UNC80: variants seen among roughly 807,000 people sequenced by gnomAD.
UNC80 encodes protein unc-80 homolog.
In UNC80, 164 loss-of-function variants were observed where a neutral mutation model predicts 384.6. The ratio of observed to expected loss-of-function variants is 0.43; its 90% CI spans 0.38 to 0.49. The LOEUF is 0.49. UNC80 is among the 20% of genes least tolerant of loss of function. The pLI is 0.00. For missense variants in UNC80, 3,330 were observed against 4,143.0 expected, an observed-to-expected ratio of 0.80 and a Z score of 5.39; for synonymous variants, 1,486 against 1,527.8, an observed-to-expected ratio of 0.97 and a Z score of 0.64.
At chr2:209,817,987 A>G in intron 11 of UNC80, 35 bp downstream of exon 11, 1 of 1,549,014 alleles carries the variant, frequency 6.5e-7, no homozygotes, top group Non-Finnish European at 8.7e-7. Flanking sequence ...GCAGGAGTTC[A>G]GAGTTCTTTT....
At chr2:209,850,021 C>T (rs149319012) in intron 22 of UNC80, among the ~76,000 whole-genome samples, 1 of 152,092 alleles carries the variant, frequency 6.6e-6, no homozygotes, top group Non-Finnish European at 1.5e-5. Flanking sequence ...ATAAAGTGGG[C>T]CATTATTATT....
At position 209,834,236 on chromosome 2, in the gene UNC80, GT is replaced by G. The variant is rs2081192585; in HGVS notation, c.2942+71del. ...TCAGTAGAATAAAATCTGTTGTACT[GT>G]TTGTGTGGTTCCTGTGCTGAAATGT... is the stretch of plus-strand genomic sequence containing the variant. On this transcript the variant is annotated intron_variant, in intron 17 of 64. Coordinates refer to ENST00000673920, the MANE Select transcript of UNC80 (RefSeq NM_001371986.1). 4 of 1,477,704 alleles carry G rather than the reference GT, an allele frequency of 2.7e-6. No homozygotes were observed. In the African/African-American group the frequency reaches 5.6e-5, roughly 21 times the overall value. 91.5% of individuals were successfully genotyped at this position (1,477,704 alleles called of 1,614,324 possible).
chr2:209,930,882 C>G, intron 37 of UNC80, 86 bp from the exon 38 acceptor site: 1 of 928,258 alleles, frequency 1.1e-6, no homozygotes, highest in South Asian at 1.7e-5. Flanking sequence ...AAATCCCTCA[C>G]CCAATCCCGA....
intron 6 of UNC80, among the ~76,000 whole-genome samples, chr2:209,790,599 T>G: frequency 6.6e-6 from 1 of 152,166 alleles, no homozygotes; most frequent in South Asian, 2.1e-4. Flanking sequence ...GCATCTAAAT[T>G]TGCATCATCA....
At chr2:209,876,043 G>A (rs541244870) in intron 23 of UNC80, among the ~76,000 whole-genome samples, 18 of 152,052 alleles carry the variant, frequency 1.2e-4, no homozygotes, top group Non-Finnish European at 2.2e-4. Context: ...CTCCCTCTCT[G>A]AGCTGAATTT....
At chr2:209,887,304 G>T (rs1422413377) in intron 25 of UNC80, among the ~76,000 whole-genome samples, 1 of 152,110 alleles carries the variant, frequency 6.6e-6, no homozygotes, top group African/African-American at 2.4e-5. Flanking sequence ...CTCCCAAAGT[G>T]CTGGGATTAC....
chr2:209,808,966 T>G (rs1187805550), intron 7 of UNC80: 1 of 317,116 alleles, frequency 3.2e-6, no homozygotes, highest in African/African-American at 2.2e-5. Flanking sequence ...CTGGGACGCC[T>G]TCCTGGCGCT....
chr2:209,943,238 T>G lies in UNC80; in HGVS notation c.6916-142T>G, dbSNP rs1032794232. ...GTTACTAAATTTATCTAGAGAAAGTTTATGCCATTTTACATTCCTCTCTAC... is the reference window on the plus strand; with the variant it reads ...GTTACTAAATTTATCTAGAGAAAGTGTATGCCATTTTACATTCCTCTCTAC... On this transcript the variant is annotated intron_variant, in intron 44 of 64. Coordinates refer to ENST00000673920, the MANE Select transcript of UNC80 (RefSeq NM_001371986.1). The G allele has an allele frequency of 4.8e-6, 5 of 1,050,846 alleles. No homozygotes were observed. In the African/African-American group the frequency reaches 6.4e-5, roughly 13 times the overall value. 65.1% of individuals were successfully genotyped at this position (1,050,846 alleles called of 1,614,324 possible).
intron 21 of UNC80, among the ~76,000 whole-genome samples, chr2:209,844,456 TTTC>T (rs768488451): frequency 0.029 from 687 of 23,758 alleles, 16 homozygotes; most frequent in Non-Finnish European, 0.037. Context: ...TTTTCTTTTC[TTTC>T]TTTCTTTCTT....
rs566730281 is a variant in UNC80 at position 209,914,090 on chromosome 2, A to G, written c.5029+150A>G. The G allele has an allele frequency of 4.3e-5, 41 of 959,452 alleles. No individual in the cohort carries two copies. The African/African-American group carries it at 6.0e-4, about 14-fold the overall frequency. The allele number at this position is 959,452 out of a possible 1,614,324, so 59.4% of individuals were successfully genotyped here. A position where few individuals can be genotyped will look rare whatever the true frequency, so the allele number is the denominator to read the frequency against. On this transcript the variant is annotated intron_variant, in intron 31 of 64. Coordinates refer to ENST00000673920, the MANE Select transcript of UNC80 (RefSeq NM_001371986.1). ...ACTGTAGACTCTAGAGCTGTGTGCT[A>G]TAGGAAGGTAGACCCAGGGTTTGTG...
chr2:209,908,846 A>G (rs1455332937), intron 29 of UNC80, among the ~76,000 whole-genome samples: 1 of 152,340 alleles, frequency 6.6e-6, no homozygotes, highest in Admixed American at 6.5e-5. Flanking sequence ...CGTATGAGGC[A>G]TAAAGAGTCT....
At chr2:209,940,243 G>T (rs1019929762) in intron 43 of UNC80, among the ~76,000 whole-genome samples, 1 of 152,086 alleles carries the variant, frequency 6.6e-6, no homozygotes, top group Non-Finnish European at 1.5e-5. Flanking sequence ...GGTTGCCTCT[G>T]GATTTGGAGG....
chr2:209,825,977 G>T lies in UNC80; in HGVS notation c.2402G>T (p.Gly801Val). Reference protein sequence around the residue: ...TMLIKIVKSLGCAYGCGEGHR... With the variant: ...TMLIKIVKSLVCAYGCGEGHR... ...CTCATCAAAATAGTGAAGTCTTTGG[G>T]ATGTGCCTATGGTTGTGGTGAAGGA... Residue 801 changes from glycine to valine, a missense_variant, in exon 14 of 65, where the codon GGA (glycine) becomes GTA (valine). Physicochemically the swap from Gly to Val is moderately radical, Grantham distance 109. This residue lies in a region of UNC80 where 937 missense variants were observed against 1,026.8 expected (regional missense o/e 0.91). Coordinates refer to ENST00000673920, the MANE Select transcript of UNC80 (RefSeq NM_001371986.1). 6.4e-7 allele frequency: 1 copy of T among 1,551,062 alleles called. No individual in the cohort carries two copies. Among genetic ancestry groups the T allele is most frequent in the Non-Finnish European group, 8.7e-7 (1 of 1,146,572 alleles).
At chr2:209,931,730 C>A (rs1431364954) in intron 38 of UNC80, among the ~76,000 whole-genome samples, 1 of 152,204 alleles carries the variant, frequency 6.6e-6, no homozygotes. Flanking sequence ...ACCACAACCC[C>A]CATGTGCAGA....
At chr2:209,981,378 GACC>G (rs1488650060) in intron 59 of UNC80, among the ~76,000 whole-genome samples, 1 of 152,212 alleles carries the variant, frequency 6.6e-6, no homozygotes, top group East Asian at 1.9e-4. Context: ...AGGAGTTCAA[GACC>G]AGCCTGGCCA....
chr2:209,895,547 A>G (rs180934686), intron 27 of UNC80, among the ~76,000 whole-genome samples: 1 of 152,330 alleles, frequency 6.6e-6, no homozygotes, highest in East Asian at 1.9e-4. Flanking sequence ...AAGCTAGAGC[A>G]TTATCATCAG....
intron 26 of UNC80, among the ~76,000 whole-genome samples, chr2:209,891,753 A>G (rs774653972): frequency 3.9e-5 from 6 of 152,180 alleles, no homozygotes; most frequent in Non-Finnish European, 8.8e-5. Flanking sequence ...AAATGTCCTT[A>G]ATCAGTTGAC....
chr2:209,904,405 TTTCATATGGTTCC>T (rs1316551151), intron 28 of UNC80, among the ~76,000 whole-genome samples: 1 of 152,246 alleles, frequency 6.6e-6, no homozygotes, highest in East Asian at 1.9e-4. Flanking sequence ...GTCTATGCCC[TTTCATATGGTTCC>T]TTCCCCAATA....
chr2:209,811,349 G>C (rs768221323), intron 7 of UNC80, among the ~76,000 whole-genome samples: 1 of 152,122 alleles, frequency 6.6e-6, no homozygotes, highest in Non-Finnish European at 1.5e-5. Context: ...AAGGGAGCTT[G>C]CATTTTATTC....
Sources: allele counts gnomAD v4.1 joint callset (sites outside exome capture counted in the v4.1 genomes callset), GRCh38; gene constraint gnomAD v4.1.1; regional missense constraint gnomAD v4.1.1; transcripts MANE v1.5; gene names NCBI Gene and HGNC (gene_info 2026-07-23, HGNC 2026-07-21).